Variants in CERT1 observed in about 807,000 individuals in gnomAD.
CERT1 encodes ceramide transfer protein.
Under a neutral mutation model 87.9 loss-of-function variants are expected in CERT1, and 31 were observed. That is an observed-to-expected ratio of 0.35 (90% CI 0.27 to 0.48). The LOEUF is 0.48. Ranked by LOEUF, CERT1 falls within the 20% of genes least tolerant of loss-of-function variation. CERT1 has a pLI of 0.99. For synonymous variants in CERT1, 289 were observed against 250.9 expected, an observed-to-expected ratio of 1.15 and a Z score of -1.44; for missense variants, 487 against 758.0, an observed-to-expected ratio of 0.64 and a Z score of 4.20.
At chr5:75,469,727 A>G (rs950792277) in intron 2 of CERT1, among the ~76,000 whole-genome samples, 3 of 152,128 alleles carry the variant, frequency 2.0e-5, no homozygotes, top group African/African-American at 7.2e-5. Context: ...CTTATCTATC[A>G]ATACATAAAT....
intron 1 of CERT1, among the ~76,000 whole-genome samples, chr5:75,507,278 C>A (rs534321309): frequency 6.6e-6 from 1 of 152,200 alleles, no homozygotes; most frequent in Admixed American, 6.5e-5. Context: ...ACCCCCACAT[C>A]TGGCTAATTT....
Position 75,477,278 on chromosome 5 carries a change from C to A in CERT1, c.232-18097G>T, listed in dbSNP as rs531918663. The stretch of plus-strand genomic sequence containing the variant: ...ATTTTGATACTGCTTATTGGCTCTC[C>A]CCTTACTTGGCTTTCTCTGATCCAT... On this transcript the variant is annotated intron_variant, in intron 2 of 16. Coordinates refer to ENST00000643780, the MANE Select transcript of CERT1 (RefSeq NM_001379029.1). 1.1e-3 allele frequency among the ~76,000 whole-genome samples: 166 copies of A among 152,188 alleles called. 1 individual carries two copies. Among genetic ancestry groups the A allele is most frequent in the Non-Finnish European group, 8.1e-4 (55 of 68,002 alleles).
chr5:75,408,070 A>G (rs1762786531), intron 8 of CERT1, among the ~76,000 whole-genome samples: 1 of 152,110 alleles, frequency 6.6e-6, no homozygotes, highest in East Asian at 1.9e-4. Flanking sequence ...TCAATAATGA[A>G]GGAATTCTTA....
chr5:75,398,420 A>G (rs1762342116), intron 11 of CERT1, among the ~76,000 whole-genome samples: 1 of 152,228 alleles, frequency 6.6e-6, no homozygotes, highest in Non-Finnish European at 1.5e-5. Context: ...GCTAAATCAT[A>G]AAAATGAAGC....
chr5:75,411,125 T>C (rs1762919466), intron 7 of CERT1, 22 bp from the exon 8 acceptor site: 2 of 1,360,832 alleles, frequency 1.5e-6, no homozygotes, highest in Admixed American at 2.1e-5. Context: ...AAGTGAAAAA[T>C]CTGTAATTTG....
intron 2 of CERT1, among the ~76,000 whole-genome samples, chr5:75,497,523 T>G (rs927377099): frequency 6.6e-6 from 1 of 152,068 alleles, no homozygotes; most frequent in Admixed American, 6.5e-5. Flanking sequence ...CATTTTGAAT[T>G]GGAGTTCCCA....
chr5:75,475,147 G>A (rs73764914), intron 2 of CERT1, among the ~76,000 whole-genome samples: 11,829 of 152,042 alleles, frequency 0.078, 556 homozygotes, highest in South Asian at 0.17. Context: ...TCTAACCTAC[G>A]ATGCTTCTAA....
intron 5 of CERT1, among the ~76,000 whole-genome samples, chr5:75,423,757 AG>A (rs1561252414): frequency 6.6e-6 from 1 of 152,230 alleles, no homozygotes; most frequent in Non-Finnish European, 1.5e-5. Context: ...ACTTGAAGGC[AG>A]ACTGTGGTAA....
At chr5:75,447,137 A>C (rs1009485978) in intron 3 of CERT1, among the ~76,000 whole-genome samples, 1 of 152,200 alleles carries the variant, frequency 6.6e-6, no homozygotes, top group Non-Finnish European at 1.5e-5. Flanking sequence ...ACAGGAAGCT[A>C]CTACTGTGTT....
At chr5:75,485,781 C>G (rs1580839361) in intron 2 of CERT1, among the ~76,000 whole-genome samples, 1 of 152,064 alleles carries the variant, frequency 6.6e-6, no homozygotes. Context: ...CATTCCTAGA[C>G]AGATACAACC....
At chr5:75,490,248 T>C (rs1187846222) in intron 2 of CERT1, among the ~76,000 whole-genome samples, 1 of 152,276 alleles carries the variant, frequency 6.6e-6, no homozygotes, top group Non-Finnish European at 1.5e-5. Context: ...CTAGTGTAGA[T>C]GACAGGTTGG....
Position 75,390,544 on chromosome 5 carries a change from C to A in CERT1, c.1189-857G>T, listed in dbSNP as rs148645043. On this transcript the variant is annotated intron_variant, in intron 11 of 16. Transcript: ENST00000643780. ...TCCTTATACATTTTATGTAAATAAG[C>A]AAAGAAAGCTGAATATTTCACACTA... is the stretch of plus-strand genomic sequence containing the variant. 1.1e-3 allele frequency among the ~76,000 whole-genome samples: 164 copies of A among 151,996 alleles called. 1 individual carries two copies. The East Asian group carries it at 0.027, about 25-fold the overall frequency.
At chr5:75,460,848 C>A (rs936009140) in intron 2 of CERT1, among the ~76,000 whole-genome samples, 12 of 152,136 alleles carry the variant, frequency 7.9e-5, no homozygotes, top group African/African-American at 2.9e-4. Flanking sequence ...AATCATGGTT[C>A]TGACTGATTA....
intron 8 of CERT1, chr5:75,410,645 C>T (rs1762897321): frequency 6.7e-6 from 1 of 148,378 alleles, no homozygotes; most frequent in Non-Finnish European, 1.5e-5. Flanking sequence ...ATAGTACAGA[C>T]TAAAATCTTT....
chr5:75,408,441 T>TCCTC (rs1056678422), intron 8 of CERT1, among the ~76,000 whole-genome samples: 1 of 152,098 alleles, frequency 6.6e-6, no homozygotes, highest in Non-Finnish European at 1.5e-5. Flanking sequence ...ATAACTCTCT[T>TCCTC]CCTCCCCAGT....
chr5:75,476,781 C>CG (rs1309798729), intron 2 of CERT1, among the ~76,000 whole-genome samples: 2 of 152,162 alleles, frequency 1.3e-5, no homozygotes, highest in East Asian at 1.9e-4. Context: ...AAAAATACTT[C>CG]GGTTTTTCTT....
Position 75,382,081 on chromosome 5 carries a change from T to A in CERT1, c.1489-4A>T, listed in dbSNP as rs773907560. 6.2e-6 allele frequency: 10 copies of A among 1,609,442 alleles called. No individual in the cohort carries two copies. In the South Asian group the frequency reaches 9.9e-5, roughly 16 times the overall value. ...GCTGAGAAGCAGGCCACACCCTCTG[T>A]GGAGAAGTAAAAATCTTTTGAAAAA... On this transcript the variant is annotated splice_region_variant and splice_polypyrimidine_tract_variant and intron_variant, in intron 14 of 16. Coordinates refer to ENST00000643780, the MANE Select transcript of CERT1 (RefSeq NM_001379029.1).
chr5:75,449,227 CAA>C (rs1263060687), intron 3 of CERT1, among the ~76,000 whole-genome samples: 1 of 151,734 alleles, frequency 6.6e-6, no homozygotes, highest in African/African-American at 2.4e-5. Flanking sequence ...AATGACAAAC[CAA>C]GGAAACAGAA....
rs545086472 is a variant in CERT1, at chr5:75,423,422, T to A, written c.595+1939A>T. 5.9e-5 allele frequency among the ~76,000 whole-genome samples: 9 copies of A among 152,184 alleles called. No individual in the cohort carries two copies. In the South Asian group the frequency reaches 1.9e-3, roughly 32 times the overall value. On this transcript the variant is annotated intron_variant, in intron 5 of 16. Transcript: ENST00000643780. ...TCACACATTAACGAACCAAAACCTT[T>A]AATAAAAGTTTTTATATTAACAAAT... is the stretch of plus-strand genomic sequence containing the variant.
Sources: allele counts gnomAD v4.1 joint callset (sites outside exome capture counted in the v4.1 genomes callset), GRCh38; gene constraint gnomAD v4.1.1; transcripts MANE v1.5; gene names NCBI Gene and HGNC (gene_info 2026-07-23, HGNC 2026-07-21).